Variants in NXPE4 observed in about 807,000 individuals in gnomAD.
NXPE4 encodes the protein neurexophilin and PC-esterase domain family member 4.
In NXPE4, 42 loss-of-function variants were observed where a neutral mutation model predicts 33.3. The ratio of observed to expected loss-of-function variants is 1.26; its 90% CI spans 0.98 to 1.63. The LOEUF is 1.63. Ranked by LOEUF, NXPE4 falls within the 40% of genes most tolerant of loss-of-function variation. The pLI, the probability that NXPE4 is intolerant of heterozygous loss-of-function variation, is 0.00. For synonymous variants in NXPE4, 253 were observed against 234.9 expected (o/e 1.08, Z -0.71); for missense variants, 709 against 647.6 (o/e 1.09, Z -1.03).
upstream of NXPE4, among the ~76,000 whole-genome samples, chr11:114,597,285 G>A (rs534330150): frequency 2.0e-5 from 3 of 152,274 alleles, no homozygotes; most frequent in Non-Finnish European, 4.4e-5. Flanking sequence ...GTGGAACATA[G>A]CAAACTGTCA....
At chr11:114,639,871 T>TAATTTATATATATATA in the NXPE4 span, among the ~76,000 whole-genome samples, 1 of 61,428 alleles carries the variant, frequency 1.6e-5, no homozygotes, top group Non-Finnish European at 2.7e-5. Context: ...ATATTTTATA[T>TAATTTATATATATATA]TAAATATAAA....
chr11:114,639,906 TAA>T, the NXPE4 span, among the ~76,000 whole-genome samples: 1 of 117,036 alleles, frequency 8.5e-6, no homozygotes, highest in Non-Finnish European at 1.6e-5. Context: ...ATATTAAATA[TAA>T]AATATAATAT....
At chr11:114,627,037 A>G in the NXPE4 span, among the ~76,000 whole-genome samples, 5 of 152,204 alleles carry the variant, frequency 3.3e-5, no homozygotes, top group African/African-American at 9.6e-5. Context: ...CCAAATCTAC[A>G]TCTCATTTGT....
the NXPE4 span, among the ~76,000 whole-genome samples, chr11:114,604,672 G>A: frequency 6.6e-6 from 1 of 151,768 alleles, no homozygotes; most frequent in Non-Finnish European, 1.5e-5. Flanking sequence ...ATATTGCCTC[G>A]TGGGTAACCA....
the NXPE4 span, among the ~76,000 whole-genome samples, chr11:114,632,481 T>A: frequency 7.8e-6 from 1 of 127,586 alleles, no homozygotes; most frequent in Non-Finnish European, 1.6e-5. Flanking sequence ...TACTATATAA[T>A]ACTCCATAAT....
chr11:114,624,260 A>G, the NXPE4 span, among the ~76,000 whole-genome samples: 1 of 151,940 alleles, frequency 6.6e-6, no homozygotes. Flanking sequence ...GACCCGGTGG[A>G]TAATAAATAT....
At chr11:114,634,989 A>G in the NXPE4 span, among the ~76,000 whole-genome samples, 1 of 151,974 alleles carries the variant, frequency 6.6e-6, no homozygotes, top group East Asian at 1.9e-4. Context: ...AGTTTTTTCC[A>G]ATTCTGTGAA....
At chr11:114,672,226 A>G in the NXPE4 span, among the ~76,000 whole-genome samples, 51 of 152,084 alleles carry the variant, frequency 3.4e-4, no homozygotes, top group African/African-American at 1.2e-3. Flanking sequence ...GGGGACACAG[A>G]ACCAAACCAT....
the NXPE4 span, among the ~76,000 whole-genome samples, chr11:114,609,186 A>G: frequency 8.7e-5 from 13 of 150,178 alleles, no homozygotes; most frequent in South Asian, 2.1e-3. Flanking sequence ...ATATTGCCTC[A>G]TGGGTAGCCA....
intron 2 of NXPE4, 99 bp downstream of exon 2, chr11:114,594,565 C>T (rs1336155215): frequency 1.3e-6 from 1 of 767,896 alleles, no homozygotes; most frequent in East Asian, 2.5e-5. Context: ...AACTCCCCTC[C>T]TATAATCTAC....
chr11:114,677,706 A>G, the NXPE4 span, among the ~76,000 whole-genome samples: 1 of 152,104 alleles, frequency 6.6e-6, no homozygotes, highest in African/African-American at 2.4e-5. Context: ...CTATGTGTAT[A>G]TAAATATACA....
chr11:114,582,636 C>A lies in NXPE4; in HGVS notation c.482G>T (p.Gly161Val). ...ASGKVTDFNN[G>V]TYLVSFTLFW... ...CAGAGTGAAGCTGACCAGGTAGGTG[C>A]CGTTGTTGAAGTCAGTCACCTTTCC... The change falls in exon 3 of 6, where the codon GGC (glycine) becomes GTC (valine). Residue 161 changes from glycine to valine, a missense_variant. Transcript: ENST00000375478. 1 of 1,614,108 alleles carries A rather than the reference C, an allele frequency of 6.2e-7. No individual in the cohort carries two copies. The highest frequency in any genetic ancestry group is 8.5e-7 in the Non-Finnish European group (1 of 1,180,002).
the NXPE4 span, among the ~76,000 whole-genome samples, chr11:114,639,817 AAATAT>A: frequency 8.4e-6 from 1 of 119,714 alleles, no homozygotes; most frequent in Non-Finnish European, 1.6e-5. Context: ...AAATAATATA[AAATAT>A]AATATATATT....
At chr11:114,668,737 T>C in the NXPE4 span, among the ~76,000 whole-genome samples, 13 of 152,264 alleles carry the variant, frequency 8.5e-5, no homozygotes, top group South Asian at 4.1e-4. Flanking sequence ...TGTTAATCTT[T>C]AGTGAATATT....
At chr11:114,583,045 T>A in intron 2 of NXPE4, 24 bp from the exon 3 acceptor site, 1 of 1,583,668 alleles carries the variant, frequency 6.3e-7, no homozygotes, top group Non-Finnish European at 8.6e-7. Context: ...AAATGTGACA[T>A]GAGATGGATA....
the NXPE4 span, among the ~76,000 whole-genome samples, chr11:114,611,243 A>G: frequency 6.6e-6 from 1 of 151,706 alleles, no homozygotes; most frequent in Non-Finnish European, 1.5e-5. Flanking sequence ...CCAGTCAATA[A>G]TAGGTATTGC....
the NXPE4 span, among the ~76,000 whole-genome samples, chr11:114,676,325 G>A: frequency 5.3e-5 from 8 of 151,598 alleles, no homozygotes; most frequent in African/African-American, 1.9e-4. Context: ...GACAACCTAC[G>A]AAATGGGAAA....
chr11:114,646,410 G>A, the NXPE4 span, among the ~76,000 whole-genome samples: 1 of 151,792 alleles, frequency 6.6e-6, no homozygotes. Context: ...TGGTATTTCA[G>A]TGAATTATAT....
chr11:114,610,902 G>A, the NXPE4 span, among the ~76,000 whole-genome samples: 1 of 151,780 alleles, frequency 6.6e-6, no homozygotes, highest in Admixed American at 6.6e-5. Flanking sequence ...GGTAATCAAT[G>A]GTACCTGGTG....
Sources: allele counts gnomAD v4.1 joint callset (sites outside exome capture counted in the v4.1 genomes callset), GRCh38; gene constraint gnomAD v4.1.1; transcripts MANE v1.5; gene names NCBI Gene and HGNC (gene_info 2026-07-23, HGNC 2026-07-21).